Variants in FAM118B observed in about 807,000 individuals in gnomAD.
FAM118B encodes protein FAM118B.
Under a neutral mutation model 38.5 loss-of-function variants are expected in FAM118B, and 24 were observed. That is an observed-to-expected ratio of 0.62 (90% CI 0.45 to 0.88). The LOEUF (loss-of-function observed/expected upper bound fraction) is 0.88. FAM118B is among the 40% of genes least tolerant of loss of function. The pLI is 0.00. For synonymous variants in FAM118B, 138 were observed against 156.3 expected (o/e 0.88, Z 0.87); for missense variants, 334 against 420.0 (o/e 0.80, Z 1.79).
rs1285096560 is a variant in FAM118B, at chr11:126,232,515, A to G, written c.-7-2480A>G. 2.0e-5 allele frequency among the ~76,000 whole-genome samples: 3 copies of G among 152,290 alleles called. No homozygotes were observed. The South Asian group carries it at 6.2e-4, about 32-fold the overall frequency. Reference sequence around the variant, plus strand: ...TGAAGATGTCCATCTTCAAAACTTAATAAGCATGAACTTCCCTCTACATTT... The same window carrying G: ...TGAAGATGTCCATCTTCAAAACTTAGTAAGCATGAACTTCCCTCTACATTT... On this transcript the variant is annotated intron_variant, in intron 2 of 8. Coordinates refer to ENST00000533050, the MANE Select transcript of FAM118B (RefSeq NM_024556.4).
rs1213957422 is a variant in FAM118B at position 126,250,553 on chromosome 11, A to C, written c.387A>C (p.Glu129Asp). The change falls in exon 5 of 9, where the codon GAA becomes GAC. Residue 129 changes from glutamate (E) to aspartate (D), a missense_variant. Glu to Asp is a conservative substitution (Grantham distance 45, BLOSUM62 2). This residue lies in a region of FAM118B where 240 missense variants were observed against 295.9 expected (regional missense o/e 0.81). Coordinates refer to ENST00000533050, the MANE Select transcript of FAM118B (RefSeq NM_024556.4). This position sits in a 1 kb window ranked among gnomAD's most constrained non-coding sequence, Gnocchi z 5.1. ...CATTTTTCAAGGACTGTTTATATGA[A>C]GTATTTGATGACTTGGAGTCAAAGA... The part of the protein sequence containing the change: ...RSTFFKDCLY[E>D]VFDDLESKME... 1 of 1,614,108 alleles carries C rather than the reference A, an allele frequency of 6.2e-7. No individual in the cohort carries two copies. Among genetic ancestry groups the C allele is most frequent in the Non-Finnish European group, 8.5e-7 (1 of 1,179,988 alleles).
At chr11:126,243,247 A>T (rs1950380476) in intron 4 of FAM118B, among the ~76,000 whole-genome samples, 2 of 152,228 alleles carry the variant, frequency 1.3e-5, no homozygotes, top group South Asian at 4.1e-4. Flanking sequence ...GAGTACTTCC[A>T]ACTCATTGTA....
rs1565337950 is a variant in FAM118B, at chr11:126,250,458, C to CT, written c.340-47dup. ...TACTGCTGTAACTAAAACAACTGAC[C>CT]TACCAAAGCACTTTGGACTAATTTT... On this transcript the variant is annotated intron_variant, in intron 4 of 8. Transcript: ENST00000533050. This position sits in a 1 kb window ranked among gnomAD's most constrained non-coding sequence, Gnocchi z 5.1. 7.5e-7 allele frequency: 1 copy of CT among 1,334,786 alleles called. No homozygotes were observed. The allele number at this position is 1,334,786 out of a possible 1,614,324, so 82.7% of individuals were successfully genotyped here.
intron 2 of FAM118B, among the ~76,000 whole-genome samples, chr11:126,229,843 C>T (rs1405752818): frequency 2.6e-5 from 4 of 152,164 alleles, no homozygotes; most frequent in Non-Finnish European, 4.4e-5. Context: ...TCCTTAATGT[C>T]TTTCAGAAAC....
chr11:126,245,973 G>A (rs1217919834), intron 4 of FAM118B, among the ~76,000 whole-genome samples: 1 of 149,900 alleles, frequency 6.7e-6, no homozygotes. Flanking sequence ...TCCAGCCTGG[G>A]CAACAGGTAC....
chr11:126,211,874 GCCT>G, intron 1 of FAM118B, 44 bp downstream of exon 1: 1 of 545,136 alleles, frequency 1.8e-6, no homozygotes, highest in Non-Finnish European at 3.2e-6. Flanking sequence ...AAATGCCGGT[GCCT>G]CAACGGTTTA....
chr11:126,261,101 G>A (rs534510985), intron 7 of FAM118B: 82 of 221,768 alleles, frequency 3.7e-4, no homozygotes, highest in South Asian at 3.6e-3. Flanking sequence ...AATTTTTACC[G>A]AAACTTGGCC....
chr11:126,236,309 A>G (rs1396669505), intron 3 of FAM118B, among the ~76,000 whole-genome samples: 1 of 152,208 alleles, frequency 6.6e-6, no homozygotes. Flanking sequence ...AAAGGTCTTT[A>G]TCATACACTT....
intron 3 of FAM118B, among the ~76,000 whole-genome samples, chr11:126,240,036 G>A (rs1950334992): frequency 6.6e-6 from 1 of 152,120 alleles, no homozygotes; most frequent in Non-Finnish European, 1.5e-5. Flanking sequence ...AAAAATTAAT[G>A]TGAAGGAACA....
At chr11:126,261,139 CAT>C (rs1245772529) in intron 7 of FAM118B, 8 of 361,682 alleles carry the variant, frequency 2.2e-5, no homozygotes, top group South Asian at 1.2e-4. Context: ...ACAGCAGACA[CAT>C]GTTGCCTGTA....
chr11:126,259,623 C>T (rs1456813540), intron 7 of FAM118B, among the ~76,000 whole-genome samples: 1 of 151,306 alleles, frequency 6.6e-6, no homozygotes. Flanking sequence ...GATGGGGTTT[C>T]ACCATGTTGG....
In FAM118B at chr11:126,262,938, T is replaced by C. The variant is rs1175319953; in HGVS notation, c.*805T>C. ...AAGAACTCCAAGACCTAAAAGGCAA[T>C]TTATTTATGAAATTTATTTTCTTAT... On this transcript the variant is annotated 3_prime_UTR_variant, in exon 9 of 9. Coordinates refer to ENST00000533050, the MANE Select transcript of FAM118B (RefSeq NM_024556.4). 2 of 152,672 alleles carry C rather than the reference T, an allele frequency of 1.3e-5. No individual in the cohort carries two copies. Among genetic ancestry groups the C allele is most frequent in the African/African-American group, 2.4e-5 (1 of 41,464 alleles). The allele number at this position is 152,672 out of a possible 1,614,324, so 9.5% of individuals were successfully genotyped here. A position where few individuals can be genotyped will look rare whatever the true frequency, so the allele number is the denominator to read the frequency against.
At chr11:126,214,962 A>C (rs540925627) in intron 1 of FAM118B, among the ~76,000 whole-genome samples, 6 of 152,344 alleles carry the variant, frequency 3.9e-5, no homozygotes, top group African/African-American at 1.4e-4. Flanking sequence ...GTGATTTGCT[A>C]GTTGCAGATT....
chr11:126,225,309 C>T (rs1950126182), intron 1 of FAM118B, among the ~76,000 whole-genome samples: 1 of 152,210 alleles, frequency 6.6e-6, no homozygotes, highest in African/African-American at 2.4e-5. Flanking sequence ...CATTTGTTCC[C>T]TAAGTTTCCA....
chr11:126,236,302 G>T (rs79589989), intron 3 of FAM118B, among the ~76,000 whole-genome samples: 89 of 152,228 alleles, frequency 5.8e-4, no homozygotes, highest in African/African-American at 2.1e-3. Flanking sequence ...TATTTGAAAA[G>T]GTCTTTATCA....
At position 126,258,448 on chromosome 11, in the gene FAM118B, C is replaced by T. The variant is rs190155826; in HGVS notation, c.982+1596C>T. Reference sequence around the variant, plus strand: ...AAGCAGTTTTCCTAAATCAAATCATCCCCAGATTTCTTAACTGAATCAGAT... The same window carrying T: ...AAGCAGTTTTCCTAAATCAAATCATTCCCAGATTTCTTAACTGAATCAGAT... On this transcript the variant is annotated intron_variant, in intron 7 of 8. Transcript: ENST00000533050. Among the ~76,000 whole-genome samples, 3 of 152,320 alleles carry T rather than the reference C, an allele frequency of 2.0e-5. No individual in the cohort carries two copies. In the East Asian group the frequency reaches 5.8e-4, roughly 29 times the overall value.
At position 126,250,756 on chromosome 11, in the gene FAM118B, C is replaced by T. The variant is rs1442309414; in HGVS notation, c.567+23C>T. 1 of 1,520,050 alleles carries T rather than the reference C, an allele frequency of 6.6e-7. No homozygotes were observed. The highest frequency in any genetic ancestry group is 9.1e-7 in the Non-Finnish European group (1 of 1,101,412). 94.2% of individuals were successfully genotyped at this position (1,520,050 alleles called of 1,614,324 possible). The stretch of plus-strand genomic sequence containing the variant: ...AAGGTAAAAAGTAAAGCATTGGTCC[C>T]TTCTTCAGGCTAGTGGATTTTATCT... On this transcript the variant is annotated intron_variant, in intron 5 of 8. Coordinates refer to ENST00000533050, the MANE Select transcript of FAM118B (RefSeq NM_024556.4). This position sits in a 1 kb window ranked among gnomAD's most constrained non-coding sequence, Gnocchi z 5.1.
Position 126,262,278 on chromosome 11 carries a change from G to T in FAM118B, c.*145G>T. ...TTGAAGGGCGGGGTAGAAGAGGGGGGAATGTTGCAGCGTAATCCTTCATAC... is the reference window on the plus strand; with the variant it reads ...TTGAAGGGCGGGGTAGAAGAGGGGGTAATGTTGCAGCGTAATCCTTCATAC... On this transcript the variant is annotated 3_prime_UTR_variant, in exon 9 of 9. Transcript: ENST00000533050. 1.4e-6 allele frequency: 1 copy of T among 697,792 alleles called. No individual in the cohort carries two copies. The highest frequency in any genetic ancestry group is 2.4e-6 in the Non-Finnish European group (1 of 414,328). The allele number at this position is 697,792 out of a possible 1,614,324, so 43.2% of individuals were successfully genotyped here. A position where few individuals can be genotyped will look rare whatever the true frequency, so the allele number is the denominator to read the frequency against.
At position 126,255,124 on chromosome 11, in the gene FAM118B, C is replaced by A. The variant is rs1950557518; in HGVS notation, c.696+691C>A. Among the ~76,000 whole-genome samples, 1 of 152,196 alleles carries A rather than the reference C, an allele frequency of 6.6e-6. No individual in the cohort carries two copies. On this transcript the variant is annotated intron_variant, in intron 6 of 8. Transcript: ENST00000533050. The surrounding 1 kb of genome is among the most constrained non-coding windows in gnomAD (Gnocchi z 4.6). The stretch of plus-strand genomic sequence containing the variant: ...TACTAGAGAATACATTCTAAAGAGA[C>A]TTTGTATAAATGGCAATGGGCTTAT...
Sources: gnomAD v4.1 joint callset for allele counts (sites outside exome capture counted in the v4.1 genomes callset) on GRCh38, gnomAD v4.1.1 for gene constraint, gnomAD v4.1.1 regional missense constraint, Gnocchi (gnomAD v3.1) non-coding constraint, MANE v1.5 for transcripts, NCBI Gene and HGNC (gene_info 2026-07-23, HGNC 2026-07-21) for gene names.